Variants in LIMS1 observed in about 807,000 individuals in gnomAD.
LIMS1 encodes LIM and senescent cell antigen-like-containing domain protein 1.
In LIMS1, 18 loss-of-function variants were observed where a neutral mutation model predicts 44.1. That is an observed-to-expected ratio of 0.41 (90% confidence interval 0.28 to 0.61). LIMS1 has a LOEUF of 0.61. Ranked by LOEUF, LIMS1 falls within the 20% of genes least tolerant of loss-of-function variation. LIMS1 has a pLI of 0.32. For missense variants in LIMS1, 201 were observed against 422.0 expected (o/e 0.48, Z 4.59); for synonymous variants, 93 against 149.1 (o/e 0.62, Z 2.74).
intron 1 of LIMS1, among the ~76,000 whole-genome samples, chr2:108,646,298 A>G (rs763070715): frequency 7.2e-5 from 11 of 152,216 alleles, no homozygotes; most frequent in Non-Finnish European, 1.3e-4. Flanking sequence ...CCACAGTGCA[A>G]TCAAAGTAGA....
chr2:108,578,535 T>C (rs1238763783), intron 1 of LIMS1, among the ~76,000 whole-genome samples: 1 of 152,032 alleles, frequency 6.6e-6, no homozygotes, highest in Admixed American at 6.6e-5. Context: ...TAAAAGCATT[T>C]CCGTTATCAT....
chr2:108,564,888 C>A (rs1685244443), intron 1 of LIMS1, among the ~76,000 whole-genome samples: 1 of 151,798 alleles, frequency 6.6e-6, no homozygotes, highest in Non-Finnish European at 1.5e-5. Context: ...TATAAACGTC[C>A]AAAATAAGCA....
At chr2:108,598,989 G>A (rs1205210697) in intron 1 of LIMS1, among the ~76,000 whole-genome samples, 4 of 151,698 alleles carry the variant, frequency 2.6e-5, no homozygotes, top group Non-Finnish European at 5.9e-5. Context: ...TTATTGGGGG[G>A]GTGATATTTA....
intron 1 of LIMS1, among the ~76,000 whole-genome samples, chr2:108,596,449 A>T (rs892851562): frequency 6.6e-6 from 1 of 152,290 alleles, no homozygotes; most frequent in Non-Finnish European, 1.5e-5. Flanking sequence ...AGATTAACAT[A>T]AATGTAAAAT....
intron 1 of LIMS1, among the ~76,000 whole-genome samples, chr2:108,619,364 T>C (rs1467363504): frequency 6.6e-6 from 1 of 151,766 alleles, no homozygotes; most frequent in African/African-American, 2.4e-5. Context: ...TCTGTTCTTT[T>C]TTTTTTTTTT....
At chr2:108,644,200 T>G (rs1689909697) in intron 1 of LIMS1, among the ~76,000 whole-genome samples, 1 of 152,108 alleles carries the variant, frequency 6.6e-6, no homozygotes, top group South Asian at 2.1e-4. Context: ...CTGACCCCCA[T>G]GTATCCTAAC....
chr2:108,682,380 A>G (rs1003576820), intron 9 of LIMS1, among the ~76,000 whole-genome samples: 2 of 152,106 alleles, frequency 1.3e-5, no homozygotes, highest in African/African-American at 4.8e-5. Context: ...GGTGCCTGTA[A>G]TCCCAGATAC....
intron 1 of LIMS1, among the ~76,000 whole-genome samples, chr2:108,591,347 C>T (rs1233273819): frequency 1.3e-5 from 2 of 152,124 alleles, no homozygotes; most frequent in Non-Finnish European, 2.9e-5. Context: ...GGGCCTGAAC[C>T]TGGGCGTTGT....
intron 1 of LIMS1, among the ~76,000 whole-genome samples, chr2:108,644,248 A>C (rs894719884): frequency 1.3e-5 from 2 of 152,122 alleles, no homozygotes; most frequent in African/African-American, 4.8e-5. Flanking sequence ...CAGATACCTC[A>C]TACAGGAGAG....
intron 1 of LIMS1, among the ~76,000 whole-genome samples, chr2:108,544,416 T>A (rs931647974): frequency 6.6e-6 from 1 of 152,222 alleles, no homozygotes; most frequent in Non-Finnish European, 1.5e-5. Flanking sequence ...AATTTTTTAT[T>A]ATGGAGGATT....
chr2:108,592,880 A>G (rs1314667054), intron 1 of LIMS1, among the ~76,000 whole-genome samples: 28 of 152,302 alleles, frequency 1.8e-4, no homozygotes, highest in Middle Eastern at 3.4e-3. Context: ...TGAACAACAA[A>G]TGTTCCCCTT....
At chr2:108,550,357 G>A (rs1684639559) in intron 1 of LIMS1, among the ~76,000 whole-genome samples, 1 of 151,080 alleles carries the variant, frequency 6.6e-6, no homozygotes, top group East Asian at 2.0e-4. Context: ...AAATTAGCCG[G>A]GCGCGGTGGC....
At chr2:108,569,846 C>T (rs1187596896) in intron 1 of LIMS1, among the ~76,000 whole-genome samples, 1 of 148,442 alleles carries the variant, frequency 6.7e-6, no homozygotes, top group Non-Finnish European at 1.5e-5. Flanking sequence ...GGTGATCCTC[C>T]CACCTTGGCC....
At chr2:108,602,629 T>G (rs555312244) in intron 1 of LIMS1, among the ~76,000 whole-genome samples, 24 of 152,252 alleles carry the variant, frequency 1.6e-4, no homozygotes, top group Non-Finnish European at 3.2e-4. Flanking sequence ...TTGCATGTGT[T>G]GAACCATCCT....
chr2:108,638,703 C>T (rs1189105813), intron 1 of LIMS1, among the ~76,000 whole-genome samples: 4 of 151,672 alleles, frequency 2.6e-5, no homozygotes, highest in Non-Finnish European at 4.4e-5. Context: ...GTCAAAATTG[C>T]ACCACTGCAC....
intron 1 of LIMS1, among the ~76,000 whole-genome samples, chr2:108,576,717 T>C (rs1449631107): frequency 1.3e-5 from 2 of 152,076 alleles, no homozygotes; most frequent in East Asian, 3.9e-4. Flanking sequence ...AAGTGCCCTT[T>C]AGAGTGAGCC....
At chr2:108,671,760 G>C (rs575201563) in intron 3 of LIMS1, among the ~76,000 whole-genome samples, 3 of 152,286 alleles carry the variant, frequency 2.0e-5, no homozygotes, top group Admixed American at 6.5e-5. Flanking sequence ...TAGCTCGTTT[G>C]GACAGGAAAG....
chr2:108,680,723 C>T (rs1692932457), exon 9 of LIMS1: 4 of 1,610,248 alleles, frequency 2.5e-6, no homozygotes, highest in East Asian at 2.2e-5. Flanking sequence ...AGGCCTGGTG[C>T]GTGAACTGCT....
intron 1 of LIMS1, among the ~76,000 whole-genome samples, chr2:108,633,552 T>C (rs1689047324): frequency 6.6e-6 from 1 of 152,250 alleles, no homozygotes; most frequent in African/African-American, 2.4e-5. Flanking sequence ...TGTTCTGTTT[T>C]CTCAGCCTAT....
Sources: allele counts gnomAD v4.1 joint callset (sites outside exome capture counted in the v4.1 genomes callset), GRCh38; gene constraint gnomAD v4.1.1; transcripts MANE v1.5; gene names NCBI Gene and HGNC (gene_info 2026-07-23, HGNC 2026-07-21).